ODAD2: variants seen among roughly 807,000 people sequenced by gnomAD.
The protein encoded by ODAD2 is outer dynein arm docking complex subunit 2.
A neutral mutation model predicts 106.8 loss-of-function variants in ODAD2; 89 were observed. The observed-to-expected ratio is 0.83, with a 90% CI of 0.70 to 0.99. The LOEUF is 0.99. Ranked by LOEUF, ODAD2 falls within the 50% of genes least tolerant of loss-of-function variation. The pLI is 0.00. For synonymous variants in ODAD2, 404 were observed against 436.2 expected (o/e 0.93, Z 0.92); for missense variants, 1,168 against 1,238.5 (o/e 0.94, Z 0.85).
intron 17 of ODAD2, among the ~76,000 whole-genome samples, chr10:27,906,512 TATATAC>T (rs1843601645): frequency 6.6e-6 from 1 of 152,176 alleles, no homozygotes; most frequent in Non-Finnish European, 1.5e-5. Flanking sequence ...CATTATTGGG[TATATAC>T]CCAAAGGATT....
intron 19 of ODAD2, among the ~76,000 whole-genome samples, chr10:27,856,280 C>T (rs1293172574): frequency 6.6e-6 from 1 of 152,098 alleles, no homozygotes; most frequent in Non-Finnish European, 1.5e-5. Context: ...GATTGATTAA[C>T]ACATTTAGAA....
intron 7 of ODAD2, among the ~76,000 whole-genome samples, chr10:27,971,807 A>T (rs1427064909): frequency 1.3e-5 from 2 of 152,210 alleles, no homozygotes; most frequent in Non-Finnish European, 2.9e-5. Flanking sequence ...GTCAACCCAA[A>T]ATTCTTTACT....
At chr10:27,866,719 CAGACTTTTTAAA>C (rs2133382588) in intron 17 of ODAD2, among the ~76,000 whole-genome samples, 1 of 152,078 alleles carries the variant, frequency 6.6e-6, no homozygotes, top group East Asian at 1.9e-4. Context: ...AGGGAGGTGC[CAGACTTTTTAAA>C]AGACTTTTAA....
chr10:27,890,028 A>G (rs1221933580), intron 17 of ODAD2, among the ~76,000 whole-genome samples: 1 of 152,222 alleles, frequency 6.6e-6, no homozygotes, highest in African/African-American at 2.4e-5. Context: ...ACAAAACTGC[A>G]CTTGTACCCA....
At chr10:27,888,755 T>C (rs1361599241) in intron 17 of ODAD2, among the ~76,000 whole-genome samples, 1 of 152,112 alleles carries the variant, frequency 6.6e-6, no homozygotes, top group Non-Finnish European at 1.5e-5. Context: ...TTTATACAAA[T>C]AAAAAATTTT....
At chr10:27,987,079 C>G (rs1849918371) in intron 3 of ODAD2, among the ~76,000 whole-genome samples, 1 of 152,206 alleles carries the variant, frequency 6.6e-6, no homozygotes, top group Non-Finnish European at 1.5e-5. Flanking sequence ...CAGGCTACAG[C>G]CCCCTGTGCT....
chr10:27,854,821 C>T (rs1322931905), intron 19 of ODAD2, among the ~76,000 whole-genome samples: 3 of 151,996 alleles, frequency 2.0e-5, no homozygotes, highest in East Asian at 1.9e-4. Flanking sequence ...ATACAACGGA[C>T]TACCACTCAG....
intron 17 of ODAD2, among the ~76,000 whole-genome samples, chr10:27,888,107 A>T (rs1376613803): frequency 6.6e-6 from 1 of 152,102 alleles, no homozygotes; most frequent in Non-Finnish European, 1.5e-5. Flanking sequence ...ATTGTGAAAT[A>T]GTGCTGTGAT....
chr10:27,969,101 C>T (rs899033825), intron 8 of ODAD2, 83 bp from the exon 9 acceptor site: 46 of 610,038 alleles, frequency 7.5e-5, no homozygotes, highest in Non-Finnish European at 1.3e-4. Context: ...TAGATATATA[C>T]TCCGTTATTT....
intron 2 of ODAD2, among the ~76,000 whole-genome samples, chr10:27,987,773 A>ATTT (rs376235316): frequency 7.0e-6 from 1 of 143,750 alleles, no homozygotes; most frequent in East Asian, 2.0e-4. Context: ...CCAAGGAAGA[A>ATTT]TTTTTTTTTT....
intron 10 of ODAD2, among the ~76,000 whole-genome samples, chr10:27,958,582 G>A (rs1215512893): frequency 6.6e-6 from 1 of 151,988 alleles, no homozygotes; most frequent in Non-Finnish European, 1.5e-5. Flanking sequence ...CCTTTTATTG[G>A]TTGCTAGAGA....
In ODAD2 at chr10:27,908,518, A is replaced by G. The variant is rs141701048; in HGVS notation, c.2496-741T>C. 5.9e-3 allele frequency among the ~76,000 whole-genome samples: 903 copies of G among 152,350 alleles called. 6 individuals carry two copies. The highest frequency in any genetic ancestry group is 0.012 in the South Asian group (58 of 4,834). ...CTCACAGCGGAGAAGAAGGCCAAACAAAACTTAATAACCTTTACAAACATG... is the reference window on the plus strand; with the variant it reads ...CTCACAGCGGAGAAGAAGGCCAAACGAAACTTAATAACCTTTACAAACATG... On this transcript the variant is annotated intron_variant, in intron 16 of 19. Transcript: ENST00000305242.
chr10:27,892,845 C>T (rs1448132833), intron 17 of ODAD2, among the ~76,000 whole-genome samples: 3 of 152,176 alleles, frequency 2.0e-5, no homozygotes, highest in African/African-American at 7.2e-5. Flanking sequence ...TTAAATGTTT[C>T]CAACAAGAAA....
chr10:27,983,896 C>A lies in ODAD2; in HGVS notation c.766G>T (p.Asp256Tyr). Residue 256 changes from aspartate to tyrosine, a missense_variant, in exon 6 of 20, where the codon GAT becomes TAT. Asp to Tyr is a radical substitution (Grantham distance 160). This residue lies in a region of ODAD2 where 430 missense variants were observed against 452.2 expected (regional missense o/e 0.95). Coordinates refer to ENST00000305242, the MANE Select transcript of ODAD2 (RefSeq NM_018076.5). Reference sequence around the variant, plus strand: ...CAAGTAATGCACAGAGTCTCACCATCGTGAGGTTTCACCAGCACATAACAA... The same window carrying A: ...CAAGTAATGCACAGAGTCTCACCATAGTGAGGTTTCACCAGCACATAACAA... ...EICYVLVKPH[D>Y]GETLCITCSA... 1 of 1,612,132 alleles carries A rather than the reference C, an allele frequency of 6.2e-7. No homozygotes were observed. Among genetic ancestry groups the A allele is most frequent in the Non-Finnish European group, 8.5e-7 (1 of 1,179,484 alleles).
chr10:27,953,471 A>G (rs945900750), intron 10 of ODAD2, among the ~76,000 whole-genome samples: 1 of 152,194 alleles, frequency 6.6e-6, no homozygotes, highest in Non-Finnish European at 1.5e-5. Context: ...TAATGTATAT[A>G]TCCAAACAAT....
intron 10 of ODAD2, among the ~76,000 whole-genome samples, chr10:27,951,499 G>A (rs1847321983): frequency 6.6e-6 from 1 of 152,082 alleles, no homozygotes; most frequent in African/African-American, 2.4e-5. Flanking sequence ...TTATTGGAGG[G>A]AAAAGCAGAT....
intron 17 of ODAD2, among the ~76,000 whole-genome samples, chr10:27,881,119 T>G (rs565563144): frequency 2.6e-5 from 4 of 152,334 alleles, no homozygotes; most frequent in Admixed American, 2.6e-4. Flanking sequence ...TCAGGATTGT[T>G]AAAAGGATAC....
chr10:27,819,114 T>C (rs1836385837), intron 19 of ODAD2, among the ~76,000 whole-genome samples: 1 of 152,176 alleles, frequency 6.6e-6, no homozygotes, highest in African/African-American at 2.4e-5. Context: ...TCCTTTGATC[T>C]TTCCCCTTCC....
intron 7 of ODAD2, among the ~76,000 whole-genome samples, chr10:27,973,344 G>A (rs1434190716): frequency 3.9e-5 from 6 of 152,088 alleles, no homozygotes; most frequent in African/African-American, 1.4e-4. Context: ...AAATAAAATA[G>A]TTTATTTTGG....
Sources: gnomAD v4.1 joint callset for allele counts (sites outside exome capture counted in the v4.1 genomes callset) on GRCh38, gnomAD v4.1.1 for gene constraint, gnomAD v4.1.1 regional missense constraint, MANE v1.5 for transcripts, NCBI Gene and HGNC (gene_info 2026-07-23, HGNC 2026-07-21) for gene names.